Variants in CDC20B observed in about 807,000 individuals in gnomAD.
CDC20B encodes the protein cell division cycle 20B.
Under a neutral mutation model 64.1 loss-of-function variants are expected in CDC20B, and 58 were observed. That is an observed-to-expected ratio of 0.90 (90% CI 0.73 to 1.13). The LOEUF (loss-of-function observed/expected upper bound fraction) is 1.13, where lower values mean the gene tolerates loss of function less well. CDC20B is among the 50% of genes most tolerant of loss of function. The pLI, the probability that CDC20B is intolerant of heterozygous loss-of-function variation, is 0.00. For synonymous variants in CDC20B, 243 were observed against 230.6 expected (o/e 1.05, Z -0.49); for missense variants, 597 against 633.0 (o/e 0.94, Z 0.61).
Position 55,173,004 on chromosome 5 carries a change from C to A in CDC20B, c.-4G>T, listed in dbSNP as rs1213252004. 6 of 1,609,718 alleles carry A rather than the reference C, an allele frequency of 3.7e-6. No individual in the cohort carries two copies. The African/African-American group carries it at 6.7e-5, about 18-fold the overall frequency. On this transcript the variant is annotated 5_prime_UTR_variant, in exon 1 of 12. Transcript: ENST00000381375. ...TGCGCTCCAGTTTCCACTCCATCTC[C>A]GGCTGACTTCGCCCTGCCTGGCGTT...
intron 5 of CDC20B, among the ~76,000 whole-genome samples, chr5:55,138,229 C>T (rs1004984099): frequency 1.3e-4 from 20 of 150,122 alleles, no homozygotes; most frequent in Admixed American, 8.6e-4. Flanking sequence ...GGCGTGATTT[C>T]GGCTCACTAC....
rs115216276 is a variant in CDC20B, at chr5:55,118,477, A to C, written c.1459+1324T>G. Among the ~76,000 whole-genome samples, 890 of 152,328 alleles carry C rather than the reference A, an allele frequency of 5.8e-3. 12 individuals carry two copies. Among genetic ancestry groups the C allele is most frequent in the African/African-American group, 0.02 (850 of 41,572 alleles). Reference sequence around the variant, plus strand: ...AGAGAAACAAGGAAATACACCTGGTAAGTACATTCTTTATTCTAAGCATCA... The same window carrying C: ...AGAGAAACAAGGAAATACACCTGGTCAGTACATTCTTTATTCTAAGCATCA... On this transcript the variant is annotated intron_variant, in intron 11 of 11. Coordinates refer to ENST00000381375, the MANE Select transcript of CDC20B (RefSeq NM_001170402.1).
chr5:55,158,356 T>C (rs1250932451), intron 2 of CDC20B, among the ~76,000 whole-genome samples: 1 of 152,244 alleles, frequency 6.6e-6, no homozygotes, highest in Non-Finnish European at 1.5e-5. Context: ...CAGGAAGTGA[T>C]ACAACACATC....
intron 2 of CDC20B, among the ~76,000 whole-genome samples, chr5:55,152,143 C>T (rs951975018): frequency 6.6e-6 from 1 of 152,224 alleles, no homozygotes; most frequent in African/African-American, 2.4e-5. Flanking sequence ...CCAGAAGAGG[C>T]AAGGAATGGA....
Position 55,133,429 on chromosome 5 carries a change from C to T in CDC20B, c.680G>A (p.Gly227Asp). 1 of 1,546,596 alleles carries T rather than the reference C, an allele frequency of 6.5e-7. No homozygotes were observed. The highest frequency in any genetic ancestry group is 8.8e-7 in the Non-Finnish European group (1 of 1,131,698). Residue 227 changes from glycine (G) to aspartate (D), a missense_variant, in exon 6 of 12, where the codon GGT becomes GAT. This residue lies in a region of CDC20B where 353 missense variants were observed against 397.0 expected (regional missense o/e 0.89). Transcript: ENST00000381375. Reference sequence around the variant, plus strand: ...TAACTTACAGTAGTCATTTCGAAGACCAGTAATATGAATCTTCACCTCTGG... The same window carrying T: ...TAACTTACAGTAGTCATTTCGAAGATCAGTAATATGAATCTTCACCTCTGG... ...LQPEVKIHITGLRNDYYLNIL... is the reference protein window; with the variant it reads ...LQPEVKIHITDLRNDYYLNIL...
At chr5:55,135,525 A>T (rs1743138526) in intron 5 of CDC20B, among the ~76,000 whole-genome samples, 1 of 152,142 alleles carries the variant, frequency 6.6e-6, no homozygotes, top group Non-Finnish European at 1.5e-5. Flanking sequence ...CCAAACCCCC[A>T]AAAGAACATT....
chr5:55,150,738 T>G (rs1743642811), intron 2 of CDC20B, among the ~76,000 whole-genome samples: 1 of 152,080 alleles, frequency 6.6e-6, no homozygotes, highest in African/African-American at 2.4e-5. Flanking sequence ...CACTCTGGCC[T>G]TCTTTTTTGT....
intron 2 of CDC20B, chr5:55,160,028 C>T: frequency 1.7e-6 from 1 of 597,344 alleles, no homozygotes; most frequent in Non-Finnish European, 3.0e-6. Context: ...TTGCTTCATT[C>T]AGGAGTTTCG....
intron 9 of CDC20B, among the ~76,000 whole-genome samples, chr5:55,121,451 T>C (rs533341700): frequency 6.6e-6 from 1 of 152,180 alleles, no homozygotes; most frequent in African/African-American, 2.4e-5. Context: ...CCTGTTTTGG[T>C]TTTTTGTTGT....
chr5:55,159,342 A>G (rs939799544), intron 2 of CDC20B, among the ~76,000 whole-genome samples: 4 of 152,148 alleles, frequency 2.6e-5, no homozygotes, highest in Non-Finnish European at 5.9e-5. Context: ...TACAGGTTGT[A>G]GTGCATCGGT....
Position 55,173,109 on chromosome 5 carries a change from T to A in CDC20B, c.-109A>T. The A allele has an allele frequency of 2.2e-6, 2 of 897,584 alleles. No homozygotes were observed. Among genetic ancestry groups the A allele is most frequent in the Non-Finnish European group, 3.5e-6 (2 of 565,554 alleles). 55.6% of individuals were successfully genotyped at this position (897,584 alleles called of 1,614,324 possible). A position where few individuals can be genotyped will look rare whatever the true frequency, so the allele number is the denominator to read the frequency against. On this transcript the variant is annotated 5_prime_UTR_variant, in exon 1 of 12. Coordinates refer to ENST00000381375, the MANE Select transcript of CDC20B (RefSeq NM_001170402.1). The stretch of plus-strand genomic sequence containing the variant: ...ACGCCTAATCGTCAAACCCCTGGAG[T>A]CCCGTCCCCCAGGACCATTCTATTT...
At chr5:55,115,793 C>A (rs1742608383) in intron 11 of CDC20B, among the ~76,000 whole-genome samples, 1 of 152,168 alleles carries the variant, frequency 6.6e-6, no homozygotes. Flanking sequence ...ATTCCACTCC[C>A]AAGAGAGACA....
chr5:55,143,701 T>C lies in CDC20B; in HGVS notation c.356-58A>G, dbSNP rs550293343. The C allele has an allele frequency of 8.0e-6, 12 of 1,501,608 alleles. No individual in the cohort carries two copies. The South Asian group carries it at 1.1e-4, about 13-fold the overall frequency. 93.0% of individuals were successfully genotyped at this position (1,501,608 alleles called of 1,614,324 possible). A position where few individuals can be genotyped will look rare whatever the true frequency, so the allele number is the denominator to read the frequency against. ...TTTTAAAACAAGATAATCACTTTGA[T>C]TGTAGGTCTGGCTGTGGCATCTTTC... On this transcript the variant is annotated intron_variant, in intron 3 of 11. Coordinates refer to ENST00000381375, the MANE Select transcript of CDC20B (RefSeq NM_001170402.1).
chr5:55,164,167 C>G (rs1744251500), intron 2 of CDC20B: 1 of 1,595,494 alleles, frequency 6.3e-7, no homozygotes, highest in East Asian at 2.2e-5. Flanking sequence ...TCAGGCCTGA[C>G]ATAGCAGCTC....
chr5:55,123,875 G>C (rs1317076831), intron 9 of CDC20B, among the ~76,000 whole-genome samples: 1 of 152,128 alleles, frequency 6.6e-6, no homozygotes. Flanking sequence ...TACAAGCCAG[G>C]AATATTGGGC....
At chr5:55,146,028 T>A (rs529388017) in intron 3 of CDC20B, among the ~76,000 whole-genome samples, 29 of 152,230 alleles carry the variant, frequency 1.9e-4, no homozygotes, top group African/African-American at 7.0e-4. Context: ...TACATATACA[T>A]TCATACAATC....
intron 11 of CDC20B, among the ~76,000 whole-genome samples, chr5:55,115,959 T>C (rs1331113932): frequency 2.0e-5 from 3 of 152,072 alleles, no homozygotes; most frequent in Admixed American, 6.6e-5. Flanking sequence ...GGATTGGCCC[T>C]GGGTGTGTTG....
chr5:55,157,807 C>A (rs1241463272), intron 2 of CDC20B, among the ~76,000 whole-genome samples: 1 of 152,224 alleles, frequency 6.6e-6, no homozygotes, highest in East Asian at 1.9e-4. Flanking sequence ...CCCTAGGGGG[C>A]CCTGCCTAAG....
chr5:55,141,371 T>A (rs1743324322), intron 4 of CDC20B, among the ~76,000 whole-genome samples: 2 of 152,320 alleles, frequency 1.3e-5, no homozygotes, highest in Middle Eastern at 3.4e-3. Context: ...GCTCTGGCTT[T>A]CTCTTTCTCC....
Sources: gnomAD v4.1 joint callset for allele counts (sites outside exome capture counted in the v4.1 genomes callset) on GRCh38, gnomAD v4.1.1 for gene constraint, gnomAD v4.1.1 regional missense constraint, MANE v1.5 for transcripts, NCBI Gene and HGNC (gene_info 2026-07-23, HGNC 2026-07-21) for gene names.